Variants in DCDC1 observed in about 807,000 individuals in gnomAD.
The protein encoded by DCDC1 is doublecortin domain containing 1, also known as doublecortin domain-containing protein 1.
A neutral mutation model predicts 178.3 loss-of-function variants in DCDC1; 200 were observed. The observed-to-expected ratio is 1.12, with a 90% CI of 1.00 to 1.26. The LOEUF (loss-of-function observed/expected upper bound fraction) is 1.26. DCDC1 is among the 50% of genes most tolerant of loss of function. The probability of loss-of-function intolerance (pLI) is 0.00; values close to 1 mark genes in which losing one functional copy is unlikely to be tolerated. For missense variants in DCDC1, 1,983 were observed against 1,749.2 expected (o/e 1.13, Z -2.38); for synonymous variants, 690 against 604.8 (o/e 1.14, Z -2.07).
chr11:31,111,722 C>T (rs1203540138), intron 11 of DCDC1, among the ~76,000 whole-genome samples: 5 of 152,108 alleles, frequency 3.3e-5, no homozygotes, highest in Non-Finnish European at 7.4e-5. Flanking sequence ...TCTTAAGCAA[C>T]AGAGAAATTT....
intron 20 of DCDC1, among the ~76,000 whole-genome samples, chr11:31,020,377 C>T (rs1952789818): frequency 6.6e-6 from 1 of 152,054 alleles, no homozygotes; most frequent in Admixed American, 6.6e-5. Flanking sequence ...ATCTCTCATG[C>T]TCTAGAAAAT....
chr11:31,155,561 C>T (rs7128949), intron 9 of DCDC1, among the ~76,000 whole-genome samples: 3,132 of 152,278 alleles, frequency 0.021, 95 homozygotes, highest in African/African-American at 0.07. Context: ...TTATTGAATA[C>T]TCATTATGTG....
chr11:30,983,822 T>C (rs1389753712), intron 20 of DCDC1, among the ~76,000 whole-genome samples: 2 of 152,096 alleles, frequency 1.3e-5, no homozygotes, highest in Non-Finnish European at 2.9e-5. Context: ...CTCATGAAAA[T>C]AATCACCAGA....
At chr11:31,107,876 T>C (rs1453281244) in intron 12 of DCDC1, among the ~76,000 whole-genome samples, 1 of 152,170 alleles carries the variant, frequency 6.6e-6, no homozygotes, top group Non-Finnish European at 1.5e-5. Flanking sequence ...GTCTCTCGGT[T>C]TCTTGTTATC....
chr11:31,270,209 T>C (rs1322455863), intron 7 of DCDC1, among the ~76,000 whole-genome samples: 1 of 152,240 alleles, frequency 6.6e-6, no homozygotes, highest in Non-Finnish European at 1.5e-5. Flanking sequence ...TTGTACATTT[T>C]GAATTCCTAA....
In DCDC1 at chr11:30,942,415, G is replaced by T. The variant is rs540468068; in HGVS notation, c.2715+10030C>A. Among the ~76,000 whole-genome samples, 13 of 152,272 alleles carry T rather than the reference G, an allele frequency of 8.5e-5. No homozygotes were observed. The South Asian group carries it at 1.2e-3, about 15-fold the overall frequency. Reference sequence around the variant, plus strand: ...AAGCAAGGGTTGGGTAGGTGAGAGAGATGGTGAGGGAATCTCATTAGAAAA... The same window carrying T: ...AAGCAAGGGTTGGGTAGGTGAGAGATATGGTGAGGGAATCTCATTAGAAAA... On this transcript the variant is annotated intron_variant, in intron 21 of 38. Coordinates refer to ENST00000684477, the MANE Select transcript of DCDC1 (RefSeq NM_001387274.1).
intron 8 of DCDC1, among the ~76,000 whole-genome samples, chr11:31,263,508 T>G (rs953875536): frequency 6.6e-6 from 1 of 152,154 alleles, no homozygotes; most frequent in Non-Finnish European, 1.5e-5. Flanking sequence ...ATTTGAAATC[T>G]TCAGATAAAA....
intron 10 of DCDC1, among the ~76,000 whole-genome samples, chr11:31,137,131 A>C (rs1425498390): frequency 1.3e-5 from 2 of 152,178 alleles, no homozygotes. Flanking sequence ...TTACTAATTT[A>C]GAAAACTTAT....
chr11:30,907,422 G>A (rs940647688), intron 29 of DCDC1, among the ~76,000 whole-genome samples: 2 of 152,072 alleles, frequency 1.3e-5, no homozygotes, highest in Non-Finnish European at 2.9e-5. Flanking sequence ...CGGGAAGTAC[G>A]ATCTTTCTCC....
intron 20 of DCDC1, among the ~76,000 whole-genome samples, chr11:30,954,775 C>A (rs1010970115): frequency 6.6e-6 from 1 of 152,186 alleles, no homozygotes; most frequent in African/African-American, 2.4e-5. Context: ...TCTGAGCCTG[C>A]AAATTTTCTG....
intron 20 of DCDC1, among the ~76,000 whole-genome samples, chr11:30,976,531 T>C (rs763285495): frequency 6.0e-5 from 9 of 149,616 alleles, no homozygotes; most frequent in Non-Finnish European, 8.9e-5. Context: ...AGAATGTGAA[T>C]AGACTTAAAA....
intron 15 of DCDC1, among the ~76,000 whole-genome samples, chr11:31,101,935 G>C (rs1002270854): frequency 6.6e-6 from 1 of 152,074 alleles, no homozygotes; most frequent in Non-Finnish European, 1.5e-5. Context: ...AAATTAGCCA[G>C]GCATGGTGGC....
chr11:30,972,699 A>T (rs1949871462), intron 20 of DCDC1, among the ~76,000 whole-genome samples: 1 of 152,252 alleles, frequency 6.6e-6, no homozygotes, highest in Non-Finnish European at 1.5e-5. Flanking sequence ...ATAAGTCCTC[A>T]CATCATAACA....
chr11:31,209,485 A>G (rs1270960065), intron 9 of DCDC1, among the ~76,000 whole-genome samples: 1 of 152,250 alleles, frequency 6.6e-6, no homozygotes, highest in Non-Finnish European at 1.5e-5. Flanking sequence ...TTGAATAACT[A>G]GGGATCATTA....
At chr11:31,047,772 G>A (rs1463218217) in intron 20 of DCDC1, among the ~76,000 whole-genome samples, 1 of 152,000 alleles carries the variant, frequency 6.6e-6, no homozygotes, top group Non-Finnish European at 1.5e-5. Flanking sequence ...ATACTATATA[G>A]TACAATTCTC....
At chr11:31,164,356 C>T (rs927769532) in intron 9 of DCDC1, among the ~76,000 whole-genome samples, 6 of 152,046 alleles carry the variant, frequency 3.9e-5, no homozygotes, top group Non-Finnish European at 8.8e-5. Context: ...GACATCCCCT[C>T]AAAACTTCAG....
At chr11:30,979,769 T>G (rs563816265) in intron 20 of DCDC1, among the ~76,000 whole-genome samples, 51 of 152,346 alleles carry the variant, frequency 3.3e-4, no homozygotes, top group African/African-American at 1.2e-3. Flanking sequence ...GTTTGAACAG[T>G]AATTTTAATA....
chr11:31,011,280 A>G (rs1164673372), intron 20 of DCDC1, among the ~76,000 whole-genome samples: 1 of 152,230 alleles, frequency 6.6e-6, no homozygotes, highest in African/African-American at 2.4e-5. Flanking sequence ...GACATTTAGC[A>G]CAGTCATGAA....
chr11:31,280,893 T>A, intron 7 of DCDC1: 1 of 640,830 alleles, frequency 1.6e-6, no homozygotes, highest in Non-Finnish European at 3.0e-6. Context: ...CCATGGAGAT[T>A]AGGCCCAGTC....
Sources: gnomAD v4.1 joint callset for allele counts (sites outside exome capture counted in the v4.1 genomes callset) on GRCh38, gnomAD v4.1.1 for gene constraint, MANE v1.5 for transcripts, NCBI Gene and HGNC (gene_info 2026-07-23, HGNC 2026-07-21) for gene names.